Variants in DLG2 observed in about 807,000 individuals in gnomAD.
The protein encoded by DLG2 is disks large homolog 2.
A neutral mutation model predicts 132.5 loss-of-function variants in DLG2; 45 were observed. The observed-to-expected ratio is 0.34, with a 90% CI of 0.27 to 0.44. The LOEUF is 0.44. DLG2 is among the 20% of genes least tolerant of loss of function. The pLI, the probability that DLG2 is intolerant of heterozygous loss-of-function variation, is 1.00. For missense variants in DLG2, 1,045 were observed against 1,196.9 expected (o/e 0.87, Z 1.87); for synonymous variants, 424 against 419.6 (o/e 1.01, Z -0.13).
At chr11:83,905,051 T>A (rs545711380) in intron 15 of DLG2, among the ~76,000 whole-genome samples, 1 of 152,290 alleles carries the variant, frequency 6.6e-6, no homozygotes, top group Admixed American at 6.6e-5. Context: ...TAATCTACTT[T>A]CAGTATCATC....
At chr11:84,982,557 C>T (rs2055907583) in intron 6 of DLG2, among the ~76,000 whole-genome samples, 1 of 152,126 alleles carries the variant, frequency 6.6e-6, no homozygotes, top group Non-Finnish European at 1.5e-5. Context: ...TTAGTACAAA[C>T]TACCACCTAT....
chr11:84,930,954 T>C (rs530309694), intron 6 of DLG2, among the ~76,000 whole-genome samples: 2 of 152,216 alleles, frequency 1.3e-5, no homozygotes, highest in Admixed American at 6.5e-5. Context: ...TCTGACTTCT[T>C]AACACATTGA....
intron 6 of DLG2, among the ~76,000 whole-genome samples, chr11:84,932,774 G>A (rs1168192638): frequency 6.6e-6 from 1 of 152,056 alleles, no homozygotes; most frequent in African/African-American, 2.4e-5. Context: ...ATGGGCATTT[G>A]GGTTGGTTCT....
At chr11:84,581,928 A>G (rs74660750) in intron 6 of DLG2, among the ~76,000 whole-genome samples, 1 of 151,560 alleles carries the variant, frequency 6.6e-6, no homozygotes, top group East Asian at 1.9e-4. Flanking sequence ...AAAAAAAAAA[A>G]AAAGAAAGGA....
intron 6 of DLG2, among the ~76,000 whole-genome samples, chr11:84,701,126 T>C (rs1565701603): frequency 6.6e-6 from 1 of 151,638 alleles, no homozygotes; most frequent in Non-Finnish European, 1.5e-5. Flanking sequence ...CAATCACAGT[T>C]GACTTAGACT....
intron 6 of DLG2, among the ~76,000 whole-genome samples, chr11:84,958,660 T>C (rs1424655269): frequency 6.6e-6 from 1 of 152,140 alleles, no homozygotes; most frequent in East Asian, 1.9e-4. Flanking sequence ...ACCAGAGTCA[T>C]ATGACAGAGT....
chr11:85,463,797 G>A lies in DLG2; in HGVS notation c.40+134860C>T, dbSNP rs189324621. 1.8e-3 allele frequency among the ~76,000 whole-genome samples: 268 copies of A among 151,880 alleles called. 2 individuals carry two copies. Among genetic ancestry groups the A allele is most frequent in the East Asian group, 1.4e-3 (7 of 5,166 alleles). On this transcript the variant is annotated intron_variant, in intron 3 of 27. Coordinates refer to ENST00000376104, the MANE Select transcript of DLG2 (RefSeq NM_001142699.3). ...AAATTTAAAAATTTTAAAAAACCTC[G>A]TCAGATATTGGTATTGAGTACATGA...
intron 6 of DLG2, chr11:84,545,260 C>T (rs2099387360): frequency 2.0e-6 from 1 of 490,260 alleles, no homozygotes; most frequent in East Asian, 5.2e-5. Context: ...TAAGGTTTCT[C>T]TCCTCATGGG....
intron 18 of DLG2, among the ~76,000 whole-genome samples, chr11:83,687,566 T>C (rs553190449): frequency 6.6e-6 from 1 of 152,338 alleles, no homozygotes; most frequent in East Asian, 1.9e-4. Context: ...TTCCTATTGT[T>C]TTGGTATTGT....
chr11:85,072,751 T>C (rs1217100709), intron 6 of DLG2, among the ~76,000 whole-genome samples: 1 of 151,850 alleles, frequency 6.6e-6, no homozygotes, highest in African/African-American at 2.4e-5. Context: ...TACACTTGGT[T>C]GCAAAGAGTA....
chr11:83,581,948 CTTTTTTTTTTTT>C (rs71849863), intron 19 of DLG2, among the ~76,000 whole-genome samples: 2 of 52,634 alleles, frequency 3.8e-5, no homozygotes, highest in African/African-American at 1.6e-4. Flanking sequence ...AGTTTGGACT[CTTTTTTTTTTTT>C]TTTTTTTTTT....
At chr11:85,424,912 T>C (rs529494365) in intron 3 of DLG2, among the ~76,000 whole-genome samples, 1 of 152,314 alleles carries the variant, frequency 6.6e-6, no homozygotes, top group South Asian at 2.1e-4. Context: ...GAAATAAATT[T>C]CTGTTGCTTA....
chr11:84,759,065 A>G (rs1045290838), intron 6 of DLG2, among the ~76,000 whole-genome samples: 1 of 152,014 alleles, frequency 6.6e-6, no homozygotes, highest in Non-Finnish European at 1.5e-5. Flanking sequence ...TTTAGTAGAG[A>G]TGGGGCTTTG....
chr11:85,519,106 A>G (rs1395025725), intron 3 of DLG2, among the ~76,000 whole-genome samples: 2 of 152,166 alleles, frequency 1.3e-5, no homozygotes, highest in Admixed American at 1.3e-4. Context: ...GCAGTGCAGA[A>G]GGGAAATGTG....
At chr11:85,018,970 G>A (rs11607636) in intron 6 of DLG2, among the ~76,000 whole-genome samples, 28,660 of 151,976 alleles carry the variant, frequency 0.19, 2,921 homozygotes, top group South Asian at 0.29. Context: ...CTCATTCACA[G>A]AAATACATTG....
intron 21 of DLG2, among the ~76,000 whole-genome samples, chr11:83,504,979 C>T (rs1311632653): frequency 1.3e-5 from 2 of 152,160 alleles, no homozygotes; most frequent in Admixed American, 6.5e-5. Context: ...TGAGCAGCCA[C>T]ACTTCTTTAG....
chr11:85,071,176 G>T (rs950742944), intron 6 of DLG2, among the ~76,000 whole-genome samples: 1 of 151,800 alleles, frequency 6.6e-6, no homozygotes, highest in African/African-American at 2.4e-5. Flanking sequence ...TAACTACTGT[G>T]GACAGGAGTT....
At chr11:83,759,708 T>G (rs1027767293) in intron 18 of DLG2, among the ~76,000 whole-genome samples, 3 of 152,154 alleles carry the variant, frequency 2.0e-5, no homozygotes, top group African/African-American at 7.2e-5. Context: ...TAGGAGGGCT[T>G]TGTACTCATA....
intron 6 of DLG2, among the ~76,000 whole-genome samples, chr11:84,632,033 C>G (rs1594352196): frequency 6.6e-6 from 1 of 152,178 alleles, no homozygotes; most frequent in African/African-American, 2.4e-5. Context: ...CACTGCCACA[C>G]CCCAGGCTTT....
Sources: allele counts gnomAD v4.1 joint callset (sites outside exome capture counted in the v4.1 genomes callset), GRCh38; gene constraint gnomAD v4.1.1; transcripts MANE v1.5; gene names NCBI Gene and HGNC (gene_info 2026-07-23, HGNC 2026-07-21).